ANK1: variants seen among roughly 807,000 people sequenced by gnomAD.
ANK1 encodes ankyrin-1.
ANK1 carries 51 observed loss-of-function variants against 210.4 expected under a neutral mutation model. That is an observed-to-expected ratio of 0.24 (90% CI 0.19 to 0.31). The LOEUF is 0.31. Ranked by LOEUF, ANK1 falls within the 10% of genes least tolerant of loss-of-function variation. The pLI is 1.00. For synonymous variants in ANK1, 967 were observed against 1,025.9 expected (o/e 0.94, Z 1.10); for missense variants, 2,051 against 2,504.4 (o/e 0.82, Z 3.86).
Position 41,723,527 on chromosome 8 carries a change from G to T in ANK1, c.810+8C>A, listed in dbSNP as rs764105729. 11 of 1,613,926 alleles carry T rather than the reference G, an allele frequency of 6.8e-6. No homozygotes were observed. In the East Asian group the frequency reaches 2.5e-4, roughly 36 times the overall value. On this transcript the variant is annotated splice_region_variant and intron_variant, in intron 8 of 42. Coordinates refer to ENST00000289734, the MANE Select transcript of ANK1 (RefSeq NM_000037.4). ...CCCTGCCTGGCTACAGCACCTGCTG[G>T]CACCCACCTTGGTCTTGGTTTCTAT...
intron 16 of ANK1, among the ~76,000 whole-genome samples, chr8:41,710,293 T>C (rs368614227): frequency 6.6e-6 from 1 of 152,132 alleles, no homozygotes; most frequent in African/African-American, 2.4e-5. Context: ...ATTTTTATTA[T>C]CCTATTGTGT....
chr8:41,871,083 T>C (rs1255724595), intron 1 of ANK1, among the ~76,000 whole-genome samples: 1 of 152,164 alleles, frequency 6.6e-6, no homozygotes, highest in African/African-American at 2.4e-5. Context: ...GGGCCACACC[T>C]TTGACTCTAA....
At chr8:41,685,467 T>C (rs1188633936) in intron 36 of ANK1, among the ~76,000 whole-genome samples, 1 of 152,164 alleles carries the variant, frequency 6.6e-6, no homozygotes, top group African/African-American at 2.4e-5. Flanking sequence ...TCCCTCCAGG[T>C]TGGAGGAAGC....
intron 22 of ANK1, chr8:41,700,436 A>G: frequency 6.2e-7 from 1 of 1,613,766 alleles, no homozygotes; most frequent in Non-Finnish European, 8.5e-7. Context: ...CATACCCATT[A>G]TAGTTATATG....
At chr8:41,878,603 A>G (rs541744001) in intron 1 of ANK1, among the ~76,000 whole-genome samples, 5 of 152,386 alleles carry the variant, frequency 3.3e-5, no homozygotes, top group Non-Finnish European at 7.3e-5. Context: ...TTTAATTTGC[A>G]TGGCCCAGGA....
intron 1 of ANK1, among the ~76,000 whole-genome samples, chr8:41,782,682 T>A (rs946466821): frequency 6.6e-5 from 10 of 152,172 alleles, no homozygotes; most frequent in Admixed American, 5.9e-4. Context: ...TTTATTTGAA[T>A]CAAAATATAT....
intron 3 of ANK1, among the ~76,000 whole-genome samples, chr8:41,729,414 G>A (rs771207854): frequency 8.5e-5 from 13 of 152,152 alleles, no homozygotes; most frequent in Non-Finnish European, 1.5e-4. Context: ...TTTAGAATTG[G>A]AGGTCTCGCT....
At chr8:41,862,432 G>A (rs1387160547) in intron 1 of ANK1, among the ~76,000 whole-genome samples, 1 of 152,128 alleles carries the variant, frequency 6.6e-6, no homozygotes, top group East Asian at 1.9e-4. Flanking sequence ...CCCAGCCTGC[G>A]CCCCAGGTGG....
At chr8:41,791,936 CT>C (rs2150762845) in intron 1 of ANK1, among the ~76,000 whole-genome samples, 1 of 152,096 alleles carries the variant, frequency 6.6e-6, no homozygotes, top group South Asian at 2.1e-4. Context: ...AGGTTGTTTG[CT>C]TGCTTTGTTT....
At chr8:41,675,665 C>T (rs981037924) in intron 37 of ANK1, among the ~76,000 whole-genome samples, 6 of 152,052 alleles carry the variant, frequency 3.9e-5, no homozygotes, top group African/African-American at 1.4e-4. Context: ...CACATGTGTA[C>T]CCCCATGAAG....
intron 1 of ANK1, among the ~76,000 whole-genome samples, chr8:41,767,754 A>C (rs1842172194): frequency 6.6e-6 from 1 of 152,058 alleles, no homozygotes; most frequent in Non-Finnish European, 1.5e-5. Context: ...GGGGAGGCAC[A>C]CACGTCCAGT....
At chr8:41,693,315 C>T (rs1819810257) in intron 29 of ANK1, 114 bp from the exon 30 acceptor site, 2 of 945,990 alleles carry the variant, frequency 2.1e-6, no homozygotes, top group South Asian at 2.7e-5. Context: ...CTCACTTTGT[C>T]TGCAGCCCTG....
intron 1 of ANK1, 104 bp from the exon 2 acceptor site, chr8:41,758,241 T>C: frequency 9.8e-7 from 1 of 1,019,352 alleles, no homozygotes; most frequent in Non-Finnish European, 1.5e-6. Flanking sequence ...TCCTCTGATG[T>C]GGCACCCTGG....
chr8:41,769,048 A>C (rs894388202), intron 1 of ANK1, among the ~76,000 whole-genome samples: 2 of 150,046 alleles, frequency 1.3e-5, no homozygotes, highest in Non-Finnish European at 3.0e-5. Flanking sequence ...AAAGCTATGC[A>C]GCAATCAGGG....
chr8:41,707,165 G>A (rs1375140367), intron 17 of ANK1, among the ~76,000 whole-genome samples: 1 of 152,230 alleles, frequency 6.6e-6, no homozygotes, highest in African/African-American at 2.4e-5. Flanking sequence ...ACGGTCAAGA[G>A]GGCAGAGCAT....
chr8:41,802,983 A>AAGAGAGAG (rs1470891928), intron 1 of ANK1, among the ~76,000 whole-genome samples: 1 of 85,510 alleles, frequency 1.2e-5, no homozygotes, highest in Non-Finnish European at 2.6e-5. Flanking sequence ...TGAAAAAAGA[A>AAGAGAGAG]AGAGAGAAAG....
chr8:41,836,750 A>T (rs1807804378), intron 1 of ANK1, among the ~76,000 whole-genome samples: 1 of 149,802 alleles, frequency 6.7e-6, no homozygotes, highest in Non-Finnish European at 1.5e-5. Flanking sequence ...CTGTCTCTAT[A>T]AAAAAAAAAT....
chr8:41,803,060 A>AAGG lies in ANK1; in HGVS notation c.127-44924_127-44923insCCT, dbSNP rs1320748248. On this transcript the variant is annotated intron_variant, in intron 1 of 42. Transcript: ENST00000265709. ...AAGAAAGAGAAAGAAAGAAAGAGAG[A>AAGG]AAGGAAGGAAGGAAGGAAGGAAGGG... Among the ~76,000 whole-genome samples the AAGG allele has an allele frequency of 2.6e-3, 151 of 59,062 alleles. 3 individuals carry two copies. The highest frequency in any genetic ancestry group is 0.011 in the African/African-American group (140 of 12,394). 38.7% of individuals were successfully genotyped at this position (59,062 alleles called of 152,430 possible).
chr8:41,865,794 A>AT (rs973093817), intron 1 of ANK1, among the ~76,000 whole-genome samples: 2 of 151,244 alleles, frequency 1.3e-5, no homozygotes, highest in African/African-American at 4.9e-5. Flanking sequence ...TGCTTTCCTG[A>AT]TTTTCCCCCA....
Sources: allele counts gnomAD v4.1 joint callset (sites outside exome capture counted in the v4.1 genomes callset), GRCh38; gene constraint gnomAD v4.1.1; transcripts MANE v1.5; gene names NCBI Gene and HGNC (gene_info 2026-07-23, HGNC 2026-07-21).